Variants in CCSER2 observed in about 807,000 individuals in gnomAD.
CCSER2 encodes coiled-coil serine rich protein 2.
A neutral mutation model predicts 92.3 loss-of-function variants in CCSER2; 46 were observed. The observed-to-expected ratio is 0.50, with a 90% CI of 0.39 to 0.64. The LOEUF is 0.64. Ranked by LOEUF, CCSER2 falls within the 30% of genes least tolerant of loss-of-function variation. The pLI, the probability that CCSER2 is intolerant of heterozygous loss-of-function variation, is 0.00. For missense variants in CCSER2, 1,244 were observed against 1,238.9 expected (o/e 1.00, Z -0.06); for synonymous variants, 433 against 431.4 (o/e 1.00, Z -0.04).
At chr10:84,507,265 C>T (rs1849108291) in intron 9 of CCSER2, 4 of 978,130 alleles carry the variant, frequency 4.1e-6, no homozygotes, top group Non-Finnish European at 3.6e-6. Flanking sequence ...TTTTTCTTGT[C>T]TCTGCTCTCC....
In CCSER2 at chr10:84,450,667, C is replaced by T. The variant is rs538728269; in HGVS notation, c.2064+11960C>T. Among the ~76,000 whole-genome samples the T allele has an allele frequency of 4.8e-4, 73 of 152,260 alleles. 1 individual carries two copies. The highest frequency in any genetic ancestry group is 7.8e-4 in the Admixed American group (12 of 15,300). Reference sequence around the variant, plus strand: ...AATTATCAATAAATTTACTGAGAGACATTTGTGATGTTTTATTTTTAAAAA... The same window carrying T: ...AATTATCAATAAATTTACTGAGAGATATTTGTGATGTTTTATTTTTAAAAA... On this transcript the variant is annotated intron_variant, in intron 6 of 9. Coordinates refer to ENST00000372088, the MANE Select transcript of CCSER2 (RefSeq NM_001284240.2).
At chr10:84,509,581 G>T (rs1469556203) in intron 9 of CCSER2, among the ~76,000 whole-genome samples, 1 of 152,156 alleles carries the variant, frequency 6.6e-6, no homozygotes, top group East Asian at 1.9e-4. Context: ...AGAATGGTGT[G>T]CTGAAGTTTA....
At chr10:84,398,666 A>G (rs922972256) in intron 3 of CCSER2, among the ~76,000 whole-genome samples, 1 of 152,206 alleles carries the variant, frequency 6.6e-6, no homozygotes, top group Non-Finnish European at 1.5e-5. Flanking sequence ...GGATAGAGAA[A>G]AATCTAAGAT....
At chr10:84,431,715 G>C (rs933801037) in intron 5 of CCSER2, among the ~76,000 whole-genome samples, 1 of 152,076 alleles carries the variant, frequency 6.6e-6, no homozygotes, top group Admixed American at 6.6e-5. Context: ...CTCCAGCCTG[G>C]ACAACAGAGA....
intron 6 of CCSER2, among the ~76,000 whole-genome samples, chr10:84,455,030 G>A (rs527965817): frequency 2.6e-4 from 39 of 152,248 alleles, no homozygotes; most frequent in African/African-American, 8.9e-4. Flanking sequence ...ATGAGGGGCA[G>A]TTCCCCTGCA....
chr10:84,458,668 G>A lies in CCSER2; in HGVS notation c.2065-5265G>A, dbSNP rs548258068. On this transcript the variant is annotated intron_variant, in intron 6 of 9. Coordinates refer to ENST00000372088, the MANE Select transcript of CCSER2 (RefSeq NM_001284240.2). The stretch of plus-strand genomic sequence containing the variant: ...TTAATCTTTCCATTCATGAACAGAG[G>A]ATATCTCCATTTATTTAGTTCTCTC... Among the ~76,000 whole-genome samples, 3 of 152,072 alleles carry A rather than the reference G, an allele frequency of 2.0e-5. No individual in the cohort carries two copies. The East Asian group carries it at 5.8e-4, about 29-fold the overall frequency.
At chr10:84,354,359 C>T (rs1376563934) in intron 1 of CCSER2, among the ~76,000 whole-genome samples, 1 of 151,598 alleles carries the variant, frequency 6.6e-6, no homozygotes, top group Non-Finnish European at 1.5e-5. Flanking sequence ...CTCATCTTGT[C>T]TCCTGAAACT....
intron 3 of CCSER2, 147 bp downstream of exon 3, chr10:84,373,962 A>C: frequency 7.0e-7 from 1 of 1,436,900 alleles, no homozygotes; most frequent in Non-Finnish European, 9.2e-7. Flanking sequence ...CCTATAAAAT[A>C]TCTGACTCTA....
At chr10:84,455,690 C>G (rs1400025136) in intron 6 of CCSER2, 2 of 744,042 alleles carry the variant, frequency 2.7e-6, no homozygotes, top group Admixed American at 3.5e-5. Flanking sequence ...GTAACTCCTC[C>G]CACTTAGATT....
At position 84,372,066 on chromosome 10, in the gene CCSER2, A is replaced by G; in HGVS notation, c.1014A>G (p.Gly338=). Residue 338 remains glycine (G), a synonymous_variant, in exon 2 of 10, where the codon GGA becomes GGG. Coordinates refer to ENST00000372088, the MANE Select transcript of CCSER2 (RefSeq NM_001284240.2). ...TTTCTGGGACTATGACAGTTGATGG[A>G]AATAAAAATTCACCTGCTGACACAT... is the stretch of plus-strand genomic sequence containing the variant. The part of the protein sequence containing the change: ...SPFSGTMTVD[G]NKNSPADTCV... The G allele has an allele frequency of 6.2e-7, 1 of 1,613,892 alleles. No individual in the cohort carries two copies. The highest frequency in any genetic ancestry group is 1.1e-5 in the South Asian group (1 of 91,076).
chr10:84,502,242 T>C (rs1589828320), intron 9 of CCSER2, among the ~76,000 whole-genome samples: 1 of 152,090 alleles, frequency 6.6e-6, no homozygotes, highest in African/African-American at 2.4e-5. Flanking sequence ...CAGATGATAC[T>C]TGTCTCCACA....
At chr10:84,388,906 A>G (rs1451778715) in intron 3 of CCSER2, among the ~76,000 whole-genome samples, 3 of 152,148 alleles carry the variant, frequency 2.0e-5, no homozygotes, top group Non-Finnish European at 1.5e-5. Flanking sequence ...TGTGCAGCTC[A>G]GTTCTTAACC....
At chr10:84,464,245 AAG>A (rs1313495728) in intron 7 of CCSER2, among the ~76,000 whole-genome samples, 1 of 152,232 alleles carries the variant, frequency 6.6e-6, no homozygotes, top group Non-Finnish European at 1.5e-5. Flanking sequence ...AGGATTTAAA[AAG>A]AAAATATATT....
At position 84,505,108 on chromosome 10, in the gene CCSER2, C is replaced by G. The variant is rs553058652; in HGVS notation, c.2326-8341C>G. Reference sequence around the variant, plus strand: ...AATTTATGTATTTTCAGTCGTTCTGCTTTTTTCACATAGTATCATTTTATA... The same window carrying G: ...AATTTATGTATTTTCAGTCGTTCTGGTTTTTTCACATAGTATCATTTTATA... On this transcript the variant is annotated intron_variant, in intron 9 of 9. Coordinates refer to ENST00000372088, the MANE Select transcript of CCSER2 (RefSeq NM_001284240.2). Among the ~76,000 whole-genome samples the G allele has an allele frequency of 1.7e-4, 26 of 152,018 alleles. No individual in the cohort carries two copies. The South Asian group carries it at 4.2e-3, about 24-fold the overall frequency.
chr10:84,357,250 G>A (rs1845224448), intron 1 of CCSER2, among the ~76,000 whole-genome samples: 1 of 152,114 alleles, frequency 6.6e-6, no homozygotes, highest in Non-Finnish European at 1.5e-5. Flanking sequence ...GACTATATGT[G>A]TAAACACATG....
At chr10:84,502,367 CTTTTTT>C (rs562377515) in intron 9 of CCSER2, among the ~76,000 whole-genome samples, 7,873 of 111,244 alleles carry the variant, frequency 0.071, 296 homozygotes, top group Admixed American at 0.13. Context: ...TTGATGACTT[CTTTTTT>C]TTTTTTTTTT....
intron 1 of CCSER2, among the ~76,000 whole-genome samples, chr10:84,365,100 T>A (rs1012967292): frequency 6.6e-6 from 1 of 152,154 alleles, no homozygotes; most frequent in Non-Finnish European, 1.5e-5. Context: ...CTTTAAAAAA[T>A]TATTCTTGCA....
Position 84,371,729 on chromosome 10 carries a change from A to G in CCSER2, c.677A>G (p.His226Arg). 2.5e-6 allele frequency: 4 copies of G among 1,613,600 alleles called. No individual in the cohort carries two copies. Among genetic ancestry groups the G allele is most frequent in the Non-Finnish European group, 3.4e-6 (4 of 1,179,798 alleles). ...ATGGTAAGGTCACAAAGTTTTTCAC[A>G]TTCCATTCAGAATTCATTCCTTCCA... ...EKMVRSQSFS[H>R]SIQNSFLPPS... Residue 226 changes from histidine to arginine, a missense_variant, in exon 2 of 10, where the codon CAT becomes CGT. Transcript: ENST00000372088.
intron 3 of CCSER2, among the ~76,000 whole-genome samples, chr10:84,406,541 A>G (rs995977879): frequency 1.1e-4 from 17 of 152,308 alleles, no homozygotes; most frequent in African/African-American, 3.9e-4. Context: ...TCAAAGTCCA[A>G]GGAAGTTCTA....
Sources: allele counts gnomAD v4.1 joint callset (sites outside exome capture counted in the v4.1 genomes callset), GRCh38; gene constraint gnomAD v4.1.1; transcripts MANE v1.5; gene names NCBI Gene and HGNC (gene_info 2026-07-23, HGNC 2026-07-21).